STRIP1: variants seen among roughly 807,000 people sequenced by gnomAD.
STRIP1 encodes the protein striatin interacting protein 1, also known as striatin-interacting protein 1.
Under a neutral mutation model 106.2 loss-of-function variants are expected in STRIP1, and 63 were observed. That is an observed-to-expected ratio of 0.59 (90% CI 0.48 to 0.73). The LOEUF (loss-of-function observed/expected upper bound fraction) is 0.73. Ranked by LOEUF, STRIP1 falls within the 30% of genes least tolerant of loss-of-function variation. STRIP1 has a pLI of 0.00. For synonymous variants in STRIP1, 390 were observed against 413.0 expected (o/e 0.94, Z 0.67); for missense variants, 857 against 1,074.8 (o/e 0.80, Z 2.83).
Position 110,054,590 on chromosome 1 carries a change from G to C in STRIP1, c.*678G>C, listed in dbSNP as rs947878865. 3 of 152,506 alleles carry C rather than the reference G, an allele frequency of 2.0e-5. No homozygotes were observed. The highest frequency in any genetic ancestry group is 7.2e-5 in the African/African-American group (3 of 41,380). The allele number at this position is 152,506 out of a possible 1,614,324, so 9.4% of individuals were successfully genotyped here. ...CTGTGTGTATTCTGTGTCATGTTGG[G>C]GTTTTTAATGTGATTGTGTATTCTG... On this transcript the variant is annotated 3_prime_UTR_variant, in exon 21 of 21. Coordinates refer to ENST00000369795, the MANE Select transcript of STRIP1 (RefSeq NM_033088.4).
In STRIP1 at chr1:110,037,871, C is replaced by T; in HGVS notation, c.181-20C>T. 1 of 1,575,372 alleles carries T rather than the reference C, an allele frequency of 6.3e-7. No homozygotes were observed. Among genetic ancestry groups the T allele is most frequent in the Non-Finnish European group, 8.7e-7 (1 of 1,145,664 alleles). ...AATAGAATGATCCTTTTTCCTAAAGCTCTCTCCTCTTGTCAGCAGGGCTAT... is the reference window on the plus strand; with the variant it reads ...AATAGAATGATCCTTTTTCCTAAAGTTCTCTCCTCTTGTCAGCAGGGCTAT... On this transcript the variant is annotated intron_variant, in intron 1 of 20. Coordinates refer to ENST00000369795, the MANE Select transcript of STRIP1 (RefSeq NM_033088.4).
rs1454813759 is a variant in STRIP1 at position 110,034,646 on chromosome 1, G to A, written c.9G>A (p.Pro3=). 2.6e-6 allele frequency: 4 copies of A among 1,521,026 alleles called. No individual in the cohort carries two copies. The highest frequency in any genetic ancestry group is 2.1e-5 in the Admixed American group (1 of 46,944). The allele number at this position is 1,521,026 out of a possible 1,614,324, so 94.2% of individuals were successfully genotyped here. The part of the protein sequence containing the change: ME[P]AVGGPGPLIV... ...GGTGTGGAGCAGCCAAGATGGAGCC[G>A]GCAGTCGGCGGTCCGGGCCCACTGA... The change falls in exon 1 of 21, where the codon CCG becomes CCA. Residue 3 remains proline, a synonymous_variant. Coordinates refer to ENST00000369795, the MANE Select transcript of STRIP1 (RefSeq NM_033088.4).
chr1:110,038,858 C>A, intron 3 of STRIP1, 101 bp downstream of exon 3: 1 of 1,086,644 alleles, frequency 9.2e-7, no homozygotes, highest in African/African-American at 1.5e-5. Flanking sequence ...CTGGAACAGC[C>A]TGAGAAGCCT....
upstream of STRIP1, chr1:110,034,470 G>A (rs1007526816): frequency 2.9e-6 from 2 of 689,190 alleles, no homozygotes; most frequent in Non-Finnish European, 4.4e-6. Flanking sequence ...GATCAACAAG[G>A]GAAGGACTGC....
At chr1:110,051,482 C>T (rs964292061) in intron 19 of STRIP1, among the ~76,000 whole-genome samples, 1 of 152,158 alleles carries the variant, frequency 6.6e-6, no homozygotes, top group Non-Finnish European at 1.5e-5. Flanking sequence ...GTTAGGGTGA[C>T]CAACCATCCT....
chr1:110,034,714 C>T lies in STRIP1; in HGVS notation c.77C>T (p.Pro26Leu). 3.3e-6 allele frequency: 5 copies of T among 1,508,908 alleles called. No individual in the cohort carries two copies. The highest frequency in any genetic ancestry group is 4.4e-6 in the Non-Finnish European group (5 of 1,131,192). 93.5% of individuals were successfully genotyped at this position (1,508,908 alleles called of 1,614,324 possible). Residue 26 changes from proline (P) to leucine (L), a missense_variant, in exon 1 of 21, where the codon CCG becomes CTG. Pro to Leu is a moderately conservative substitution (Grantham distance 98, BLOSUM62 -3). Coordinates refer to ENST00000369795, the MANE Select transcript of STRIP1 (RefSeq NM_033088.4). Reference protein sequence around the residue: ...KQPQPPPPPPPAAAQPPPGAP... With the variant: ...KQPQPPPPPPLAAAQPPPGAP... ...CCCCAGCCCCCGCCACCTCCGCCGC[C>T]GGCAGCCGCACAGCCACCACCCGGG... is the stretch of plus-strand genomic sequence containing the variant.
chr1:110,039,564 A>G (rs754433588), intron 5 of STRIP1, 49 bp downstream of exon 5: 30 of 1,560,292 alleles, frequency 1.9e-5, no homozygotes, highest in Middle Eastern at 1.7e-4. Context: ...TGGGATGGGA[A>G]GGGGGACAGA....
chr1:110,034,609 A>C, upstream of STRIP1: 1 of 1,483,764 alleles, frequency 6.7e-7, no homozygotes, highest in Non-Finnish European at 8.9e-7. Flanking sequence ...GCTGTGCGCG[A>C]GTTAAGCTGG....
chr1:110,050,581 T>G lies in STRIP1; in HGVS notation c.1956+172T>G, dbSNP rs1172849892. 3.9e-5 allele frequency among the ~76,000 whole-genome samples: 6 copies of G among 152,204 alleles called. No individual in the cohort carries two copies. In the South Asian group the frequency reaches 1.0e-3, roughly 26 times the overall value. ...ACAGAAGGGCCAGGAGGAGGGCTCT[T>G]GCAGAGCAGAGAGATTTGGATTTAG... On this transcript the variant is annotated intron_variant, in intron 18 of 20. Transcript: ENST00000369795.
At chr1:110,041,498 C>T (rs762195326) in intron 6 of STRIP1, 38 bp from the exon 7 acceptor site, 5 of 1,527,714 alleles carry the variant, frequency 3.3e-6, no homozygotes, top group Admixed American at 3.3e-5. Context: ...CTTTGACCCC[C>T]CCATCCCACT....
At position 110,041,448 on chromosome 1, in the gene STRIP1, C is replaced by T. The variant is rs937926244; in HGVS notation, c.651-88C>T. 5.8e-6 allele frequency: 5 copies of T among 859,958 alleles called. No individual in the cohort carries two copies. The East Asian group carries it at 7.4e-5, about 13-fold the overall frequency. 53.3% of individuals were successfully genotyped at this position (859,958 alleles called of 1,614,324 possible). The stretch of plus-strand genomic sequence containing the variant: ...AGATACCATTTATTAATAGTAAGCC[C>T]CTGCTTTGTGTAAGCACTTTGTTAG... On this transcript the variant is annotated intron_variant, in intron 6 of 20. Coordinates refer to ENST00000369795, the MANE Select transcript of STRIP1 (RefSeq NM_033088.4).
chr1:110,034,580 C>T, upstream of STRIP1: 1 of 1,454,008 alleles, frequency 6.9e-7, no homozygotes, highest in Non-Finnish European at 9.0e-7. Context: ...GAAAATCACG[C>T]GAGAGTTGCA....
intron 17 of STRIP1, chr1:110,049,935 G>A: frequency 3.1e-6 from 1 of 319,260 alleles, no homozygotes; most frequent in South Asian, 4.2e-5. Context: ...CTTAGCCCCT[G>A]CTGTTGGCCT....
At position 110,039,323 on chromosome 1, in the gene STRIP1, C is replaced by T. The variant is rs748223299; in HGVS notation, c.460+17C>T. ...TTGCTCAAGGTATTGAGTGGACCTCCCCAGGGTTCCCTGGCACCTCTGCCC... is the reference window on the plus strand; with the variant it reads ...TTGCTCAAGGTATTGAGTGGACCTCTCCAGGGTTCCCTGGCACCTCTGCCC... On this transcript the variant is annotated intron_variant, in intron 4 of 20. Coordinates refer to ENST00000369795, the MANE Select transcript of STRIP1 (RefSeq NM_033088.4). The T allele has an allele frequency of 1.9e-6, 3 of 1,613,894 alleles. No individual in the cohort carries two copies. The African/African-American group carries it at 4.0e-5, about 22-fold the overall frequency.
rs1308344698 is a variant in STRIP1, at chr1:110,050,982, C to G, written c.1983C>G (p.Cys661Trp). 2.5e-6 allele frequency: 4 copies of G among 1,613,228 alleles called. No homozygotes were observed. In the Admixed American group the frequency reaches 6.7e-5, roughly 27 times the overall value. ...SLEAGDSNQF[C>W]WRNLFSCINL... Reference sequence around the variant, plus strand: ...AAGCAGGTGACAGTAACCAATTTTGCTGGAGGAACCTCTTTTCTTGTATCA... The same window carrying G: ...AAGCAGGTGACAGTAACCAATTTTGGTGGAGGAACCTCTTTTCTTGTATCA... The change falls in exon 19 of 21, where the codon TGC (cysteine) becomes TGG (tryptophan). Residue 661 changes from cysteine to tryptophan, a missense_variant. Coordinates refer to ENST00000369795, the MANE Select transcript of STRIP1 (RefSeq NM_033088.4).
In STRIP1 at chr1:110,053,703, T is replaced by C. The variant is rs552527776; in HGVS notation, c.2305T>C (p.Cys769Arg). ...ARPWDFQAEE[C>R]ALRANIERFN... The stretch of plus-strand genomic sequence containing the variant: ...GCCTTGGGACTTCCAGGCAGAGGAG[T>C]GTGCCCTTCGTGCCAACATTGAACG... Residue 769 changes from cysteine to arginine, a missense_variant, in exon 21 of 21, where the codon TGT (cysteine) becomes CGT (arginine). Physicochemically the swap from Cys to Arg is radical, Grantham distance 180. Transcript: ENST00000369795. The C allele has an allele frequency of 3.7e-6, 6 of 1,613,918 alleles. No individual in the cohort carries two copies. In the Admixed American group the frequency reaches 8.3e-5, roughly 22 times the overall value.
rs1432480458 is a variant in STRIP1, at chr1:110,053,761, G to A, written c.2363G>A (p.Ser788Asn). 3 of 1,614,038 alleles carry A rather than the reference G, an allele frequency of 1.9e-6. No homozygotes were observed. Among genetic ancestry groups the A allele is most frequent in the South Asian group, 1.1e-5 (1 of 91,086 alleles). The part of the protein sequence containing the change: ...FNARRYDRAH[S>N]NPDFLPVDNC... Reference sequence around the variant, plus strand: ...GCCCGGCGCTATGACCGGGCCCACAGCAACCCTGACTTCCTGCCAGTGGAC... The same window carrying A: ...GCCCGGCGCTATGACCGGGCCCACAACAACCCTGACTTCCTGCCAGTGGAC... The change falls in exon 21 of 21, where the codon AGC (serine) becomes AAC (asparagine). Residue 788 changes from serine (S) to asparagine (N), a missense_variant. Physicochemically the swap from Ser to Asn is conservative, Grantham distance 46. Around this residue, in one of 2 missense-constraint regions of STRIP1, gnomAD observed 750 missense variants for 989.8 expected, o/e 0.76. Transcript: ENST00000369795.
intron 10 of STRIP1, 66 bp from the exon 11 acceptor site, chr1:110,044,774 G>A: frequency 1.3e-6 from 2 of 1,504,298 alleles, no homozygotes; most frequent in Non-Finnish European, 1.8e-6. Flanking sequence ...TTTGTTAACT[G>A]TAACACTTTG....
At chr1:110,037,351 C>T (rs150464303) in intron 1 of STRIP1, among the ~76,000 whole-genome samples, 59 of 152,278 alleles carry the variant, frequency 3.9e-4, no homozygotes, top group African/African-American at 1.3e-3. Flanking sequence ...ATCTGTTTGG[C>T]GGCTGCCTTC....
Sources: gnomAD v4.1 joint callset for allele counts (sites outside exome capture counted in the v4.1 genomes callset) on GRCh38, gnomAD v4.1.1 for gene constraint, gnomAD v4.1.1 regional missense constraint, MANE v1.5 for transcripts, NCBI Gene and HGNC (gene_info 2026-07-23, HGNC 2026-07-21) for gene names.